Variants in SMARCC2 observed in about 807,000 individuals in gnomAD.
SMARCC2 encodes the protein SWI/SNF related BAF chromatin remodeling complex subunit C2, also known as SWI/SNF complex subunit SMARCC2.
In SMARCC2, 15 loss-of-function variants were observed where a neutral mutation model predicts 151.3. The ratio of observed to expected loss-of-function variants is 0.10; its 90% CI spans 0.07 to 0.15. The LOEUF (loss-of-function observed/expected upper bound fraction) is 0.15. Ranked by LOEUF, SMARCC2 falls within the 10% of genes least tolerant of loss-of-function variation. SMARCC2 has a pLI of 1.00. For synonymous variants in SMARCC2, 590 were observed against 609.5 expected (o/e 0.97, Z 0.47); for missense variants, 1,031 against 1,599.7 (o/e 0.64, Z 6.06).
chr12:56,184,832 C>A lies in SMARCC2; in HGVS notation c.492+12G>T, dbSNP rs138815382. On this transcript the variant is annotated intron_variant, in intron 5 of 28. Coordinates refer to ENST00000550164, the MANE Select transcript of SMARCC2 (RefSeq NM_001330288.2). ...TGGAGTTTCTGAAACCTCTCCTCACCAGACCATTTACCTGGTGTCTCTTGA... is the reference window on the plus strand; with the variant it reads ...TGGAGTTTCTGAAACCTCTCCTCACAAGACCATTTACCTGGTGTCTCTTGA... 827 of 1,529,622 alleles carry A rather than the reference C, an allele frequency of 5.4e-4. 9 individuals are homozygous for A. In the African/African-American group the frequency reaches 0.01, roughly 19 times the overall value. The allele number at this position is 1,529,622 out of a possible 1,614,324, so 94.8% of individuals were successfully genotyped here. A position where few individuals can be genotyped will look rare whatever the true frequency, so the allele number is the denominator to read the frequency against.
intron 26 of SMARCC2, 94 bp downstream of exon 26, chr12:56,167,966 A>C (rs1873149616): frequency 9.3e-7 from 1 of 1,077,810 alleles, no homozygotes; most frequent in African/African-American, 1.6e-5. Flanking sequence ...ACACACACAC[A>C]CACACACACA....
chr12:56,169,255 G>A (rs1169195987), intron 25 of SMARCC2, among the ~76,000 whole-genome samples: 1 of 152,186 alleles, frequency 6.6e-6, no homozygotes, highest in Admixed American at 6.5e-5. Context: ...AGATCTGACA[G>A]AGCAAGACTC....
rs1308552701 is a variant in SMARCC2 at position 56,170,304 on chromosome 12, G to A, written c.2348-96C>T. 4.5e-6 allele frequency: 5 copies of A among 1,119,280 alleles called. No individual in the cohort carries two copies. The Admixed American group carries it at 7.6e-5, about 17-fold the overall frequency. 69.3% of individuals were successfully genotyped at this position (1,119,280 alleles called of 1,614,324 possible). On this transcript the variant is annotated intron_variant, in intron 22 of 28. Transcript: ENST00000550164. ...TTTTTTTTAGAGACAGGGTCTTGCTGTGTTGCCCAGGTTGGTCTCAAACTC... is the reference window on the plus strand; with the variant it reads ...TTTTTTTTAGAGACAGGGTCTTGCTATGTTGCCCAGGTTGGTCTCAAACTC...
At chr12:56,167,153 A>C (rs1009253453) in intron 26 of SMARCC2, among the ~76,000 whole-genome samples, 9 of 151,424 alleles carry the variant, frequency 5.9e-5, no homozygotes, top group Non-Finnish European at 1.3e-4. Context: ...GGAGTTCGAG[A>C]CCAGCCTGAC....
At position 56,162,530 on chromosome 12, in the gene SMARCC2, G is replaced by A. The variant is rs1872018370; in HGVS notation, c.*1159C>T. The A allele has an allele frequency of 1.9e-6, 1 of 534,560 alleles. No individual in the cohort carries two copies. The highest frequency in any genetic ancestry group is 1.9e-5 in the African/African-American group (1 of 52,198). 33.1% of individuals were successfully genotyped at this position (534,560 alleles called of 1,614,324 possible). On this transcript the variant is annotated 3_prime_UTR_variant, in exon 29 of 29. Coordinates refer to ENST00000550164, the MANE Select transcript of SMARCC2 (RefSeq NM_001330288.2). ...GGAGGAACCAAGAAGAACCAGTGCA[G>A]AGCCTGGAGTCACACCTGCCTTCCC... is the stretch of plus-strand genomic sequence containing the variant.
At position 56,172,639 on chromosome 12, in the gene SMARCC2, C is replaced by T. The variant is rs1247239951; in HGVS notation, c.1809G>A (p.Met603Ile). 3 of 1,614,218 alleles carry T rather than the reference C, an allele frequency of 1.9e-6. No homozygotes were observed. Among genetic ancestry groups the T allele is most frequent in the East Asian group, 2.2e-5 (1 of 44,884 alleles). The change falls in exon 19 of 29, where the codon ATG becomes ATA. Residue 603 changes from methionine to isoleucine, a missense_variant. Met to Ile is a conservative substitution (Grantham distance 10). Around this residue, in one of 12 missense-constraint regions of SMARCC2, gnomAD observed 99 missense variants for 148.3 expected, o/e 0.67. Transcript: ENST00000550164. Reference sequence around the variant, plus strand: ...TGTCTGTGCGCAGCCCAAAGTTTTGCATGTCTGTTGGTTTCTCTTTGCCTT... The same window carrying T: ...TGTCTGTGCGCAGCCCAAAGTTTTGTATGTCTGTTGGTTTCTCTTTGCCTT... ...PDKGKEKPTD[M>I]QNFGLRTDMY...
At chr12:56,178,571 T>C in intron 13 of SMARCC2, 37 bp from the exon 14 acceptor site, 1 of 1,613,926 alleles carries the variant, frequency 6.2e-7, no homozygotes, top group Middle Eastern at 1.6e-4. Flanking sequence ...TCAGCATTCC[T>C]GCTTCCTCCC....
intron 5 of SMARCC2, 34 bp from the exon 6 acceptor site, chr12:56,184,278 G>T: frequency 6.6e-7 from 1 of 1,519,808 alleles, no homozygotes; most frequent in Non-Finnish European, 9.1e-7. Context: ...GTAAATTATG[G>T]TCCCCTCTGA....
At chr12:56,179,975 G>A (rs768875687) in intron 11 of SMARCC2, among the ~76,000 whole-genome samples, 27 of 151,946 alleles carry the variant, frequency 1.8e-4, no homozygotes, top group Non-Finnish European at 1.6e-4. Context: ...GTAAGCCACC[G>A]CGCCCTGATT....
rs1565917413 is a variant in SMARCC2, at chr12:56,181,616, G to A, written c.841-19C>T. On this transcript the variant is annotated intron_variant, in intron 9 of 28. Coordinates refer to ENST00000550164, the MANE Select transcript of SMARCC2 (RefSeq NM_001330288.2). ...TGTTCACCTATAGGATGGAGAATCA[G>A]GACAAATGTCAGCCTACAATCCCCA... 4 of 1,607,394 alleles carry A rather than the reference G, an allele frequency of 2.5e-6. No individual in the cohort carries two copies. Among genetic ancestry groups the A allele is most frequent in the Non-Finnish European group, 3.4e-6 (4 of 1,175,676 alleles).
rs750082128 is a variant in SMARCC2, at chr12:56,178,965, T to C, written c.1141+32A>G. ...CTGAGCCCTCCCCTTCCCTTGGCTC[T>C]GACTGCCGTGCCCAAGAGGCTCCTG... On this transcript the variant is annotated intron_variant, in intron 12 of 28. Transcript: ENST00000550164. 11 of 1,612,696 alleles carry C rather than the reference T, an allele frequency of 6.8e-6. No individual in the cohort carries two copies. The East Asian group carries it at 2.5e-4, about 36-fold the overall frequency.
intron 12 of SMARCC2, 50 bp downstream of exon 12, chr12:56,178,947 C>T (rs1431516507): frequency 6.2e-7 from 1 of 1,604,780 alleles, no homozygotes; most frequent in African/African-American, 1.3e-5. Flanking sequence ...CAGCTGAGCC[C>T]TCCCCTTCCC....
intron 24 of SMARCC2, 28 bp downstream of exon 24, chr12:56,169,748 C>A: frequency 3.1e-6 from 5 of 1,613,992 alleles, no homozygotes; most frequent in Non-Finnish European, 3.4e-6. Flanking sequence ...CTGTCCTGCA[C>A]CCCCACCTAC....
intron 2 of SMARCC2, 35 bp downstream of exon 2, chr12:56,187,152 C>G (rs911118227): frequency 6.3e-7 from 1 of 1,580,834 alleles, no homozygotes; most frequent in Admixed American, 1.7e-5. Context: ...TTCACCACCA[C>G]CACCCCCCAC....
intron 26 of SMARCC2, 85 bp downstream of exon 26, chr12:56,167,972 ACAC>A: frequency 8.2e-7 from 1 of 1,220,778 alleles, no homozygotes; most frequent in Non-Finnish European, 1.2e-6. Flanking sequence ...ACACACACAC[ACAC>A]ACACACACAC....
chr12:56,176,685 G>T (rs548256985), intron 15 of SMARCC2, among the ~76,000 whole-genome samples: 1 of 149,780 alleles, frequency 6.7e-6, no homozygotes. Flanking sequence ...CTGTCACCCC[G>T]GCTGGAGTGC....
intron 26 of SMARCC2, among the ~76,000 whole-genome samples, chr12:56,167,002 G>A (rs1477602380): frequency 2.0e-5 from 3 of 150,890 alleles, no homozygotes; most frequent in Admixed American, 2.0e-4. Flanking sequence ...GGCGGAGGTT[G>A]CAGTGAGCCG....
chr12:56,187,385 G>T, intron 1 of SMARCC2, 79 bp from the exon 2 acceptor site: 1 of 1,374,040 alleles, frequency 7.3e-7, no homozygotes, highest in East Asian at 2.4e-5. Context: ...TCCCCCAGGG[G>T]CTCTGGAAGC....
chr12:56,175,910 G>A (rs1874864921), intron 15 of SMARCC2, among the ~76,000 whole-genome samples: 2 of 151,968 alleles, frequency 1.3e-5, no homozygotes, highest in African/African-American at 4.8e-5. Flanking sequence ...CCAGGCTGGA[G>A]TACAATGATG....
Sources: gnomAD v4.1 joint callset for allele counts (sites outside exome capture counted in the v4.1 genomes callset) on GRCh38, gnomAD v4.1.1 for gene constraint, gnomAD v4.1.1 regional missense constraint, MANE v1.5 for transcripts, NCBI Gene and HGNC (gene_info 2026-07-23, HGNC 2026-07-21) for gene names.